The following PCSK6 variants were observed in gnomAD, a reference collection of about 807,000 sequenced individuals.
The protein encoded by PCSK6 is paired basic amino acid cleaving enzyme 4.
In PCSK6, 85 loss-of-function variants were observed where a neutral mutation model predicts 123.3. That is an observed-to-expected ratio of 0.69 (90% CI 0.58 to 0.83). The LOEUF is 0.83. Ranked by LOEUF, PCSK6 falls within the 40% of genes least tolerant of loss-of-function variation. The probability of loss-of-function intolerance (pLI) is 0.00; values close to 1 mark genes in which losing one functional copy is unlikely to be tolerated. For missense variants in PCSK6, 1,191 were observed against 1,282.3 expected, an observed-to-expected ratio of 0.93 and a Z score of 1.09; for synonymous variants, 508 against 516.0, an observed-to-expected ratio of 0.98 and a Z score of 0.21.
At position 101,432,020 on chromosome 15, in the gene PCSK6, G is replaced by A. The variant is rs117473739; in HGVS notation, c.483C>T (p.Asn161=). The A allele has an allele frequency of 2.8e-4, 459 of 1,613,478 alleles. 2 individuals are homozygous for A. The East Asian group carries it at 9.4e-3, about 33-fold the overall frequency. ...ACCACATGTTGGACCAAATGGGGTC[G>A]TTGAAGTAAAGGGCCTGCGGGTCAC... ...VRSDPQALYF[N]DPIWSNMWYL... The change falls in exon 3 of 22, where the codon AAC becomes AAT. Residue 161 remains asparagine, a synonymous_variant. Transcript: ENST00000611716.
intron 21 of PCSK6, among the ~76,000 whole-genome samples, chr15:101,306,620 T>A (rs1170727813): frequency 6.6e-6 from 1 of 152,204 alleles, no homozygotes; most frequent in East Asian, 1.9e-4. Context: ...CCAACCCTCC[T>A]TGGTGCCTGG....
intron 5 of PCSK6, among the ~76,000 whole-genome samples, chr15:101,429,278 C>T (rs1337453847): frequency 4.6e-5 from 7 of 152,166 alleles, no homozygotes; most frequent in Non-Finnish European, 8.8e-5. Flanking sequence ...GACCCCAGGG[C>T]TGCCGTTTAC....
chr15:101,478,568 T>G (rs1004029238), intron 1 of PCSK6, among the ~76,000 whole-genome samples: 1 of 152,182 alleles, frequency 6.6e-6, no homozygotes, highest in Non-Finnish European at 1.5e-5. Context: ...TCCTTTCCTC[T>G]TGTTCTTCTG....
chr15:101,426,765 TCGG>T (rs2056269789), intron 6 of PCSK6, among the ~76,000 whole-genome samples: 2 of 106,134 alleles, frequency 1.9e-5, no homozygotes, highest in Non-Finnish European at 4.5e-5. Flanking sequence ...TCACCAAGGC[TCGG>T]TGGCAGAACG....
rs1029819091 is a variant in PCSK6 at position 101,439,501 on chromosome 15, G to A, written c.402+4055C>T. Among the ~76,000 whole-genome samples, 8 of 152,304 alleles carry A rather than the reference G, an allele frequency of 5.3e-5. No homozygotes were observed. In the South Asian group the frequency reaches 6.2e-4, roughly 12 times the overall value. On this transcript the variant is annotated intron_variant, in intron 2 of 21. Transcript: ENST00000611716. The stretch of plus-strand genomic sequence containing the variant: ...TGGGGGAGCAGTCCACCGTCCCCAC[G>A]TGGGCAAATCCTCTGGGCCCTGGGC...
At chr15:101,472,518 G>A (rs1404245360) in intron 1 of PCSK6, among the ~76,000 whole-genome samples, 2 of 152,250 alleles carry the variant, frequency 1.3e-5, no homozygotes, top group African/African-American at 4.8e-5. Context: ...TGGGGAGAAT[G>A]ACAGTGGCAA....
chr15:101,462,158 A>C, intron 1 of PCSK6, among the ~76,000 whole-genome samples: 1 of 152,234 alleles, frequency 6.6e-6, no homozygotes, highest in African/African-American at 2.4e-5. Flanking sequence ...GCTAGATGTG[A>C]GACCAATCTA....
intron 13 of PCSK6, among the ~76,000 whole-genome samples, chr15:101,355,229 C>T (rs148771039): frequency 1.3e-5 from 2 of 152,326 alleles, no homozygotes; most frequent in East Asian, 1.9e-4. Context: ...TTTTAAAGTG[C>T]CATCAATTGT....
rs1213142111 is a variant in PCSK6 at position 101,307,394 on chromosome 15, A to G, written c.2700-69T>C. 1.1e-5 allele frequency: 12 copies of G among 1,114,930 alleles called. No homozygotes were observed. The East Asian group carries it at 2.6e-4, about 24-fold the overall frequency. The allele number at this position is 1,114,930 out of a possible 1,614,324, so 69.1% of individuals were successfully genotyped here. ...CCACCACTCCGGGCTCCCTTCCCAG[A>G]ACCCTCACCTCCCTGCACCTCCTTC... is the stretch of plus-strand genomic sequence containing the variant. On this transcript the variant is annotated intron_variant, in intron 20 of 21. Coordinates refer to ENST00000611716, the MANE Select transcript of PCSK6 (RefSeq NM_002570.5).
chr15:101,390,367 T>G (rs2042195682), intron 8 of PCSK6, among the ~76,000 whole-genome samples: 1 of 41,366 alleles, frequency 2.4e-5, no homozygotes, highest in Admixed American at 2.4e-4. Context: ...CCATCATCTT[T>G]GTCCCCTGGT....
chr15:101,381,171 G>C (rs2041901333), intron 11 of PCSK6, among the ~76,000 whole-genome samples: 1 of 152,012 alleles, frequency 6.6e-6, no homozygotes, highest in African/African-American at 2.4e-5. Context: ...AGACCAGCCT[G>C]GCCAAGATGG....
chr15:101,381,056 T>C (rs2041898120), intron 11 of PCSK6, among the ~76,000 whole-genome samples: 1 of 148,124 alleles, frequency 6.8e-6, no homozygotes, highest in South Asian at 2.1e-4. Context: ...TATGGCTGCT[T>C]TTTTTTTTTT....
chr15:101,347,724 T>C (rs1257582426), intron 13 of PCSK6: 1 of 1,613,812 alleles, frequency 6.2e-7, no homozygotes, highest in Non-Finnish European at 8.5e-7. Context: ...TCACAGAGAT[T>C]ACCAAAGCTC....
chr15:101,459,449 C>CCCA (rs1567236649), intron 1 of PCSK6, among the ~76,000 whole-genome samples: 25,116 of 129,084 alleles, frequency 0.19, 8,311 homozygotes, highest in Non-Finnish European at 0.28. Context: ...GTCCACATCA[C>CCCA]CTGCTGCCAC....
chr15:101,366,839 A>C (rs1294595552), intron 12 of PCSK6, among the ~76,000 whole-genome samples: 1 of 152,214 alleles, frequency 6.6e-6, no homozygotes, highest in Non-Finnish European at 1.5e-5. Flanking sequence ...TGCAAGAATG[A>C]AACTTCCATG....
intron 1 of PCSK6, among the ~76,000 whole-genome samples, chr15:101,467,812 G>A (rs1273541417): frequency 1.3e-5 from 2 of 152,158 alleles, no homozygotes; most frequent in Admixed American, 1.3e-4. Context: ...CAAAACCAAA[G>A]CTAAGCAACA....
chr15:101,421,239 C>T (rs1254794244), intron 6 of PCSK6, among the ~76,000 whole-genome samples: 1 of 152,216 alleles, frequency 6.6e-6, no homozygotes, highest in Non-Finnish European at 1.5e-5. Flanking sequence ...AGCCACCACG[C>T]CTGGCTATTT....
chr15:101,462,797 C>T (rs994107947), intron 1 of PCSK6, among the ~76,000 whole-genome samples: 1 of 152,200 alleles, frequency 6.6e-6, no homozygotes, highest in Admixed American at 6.5e-5. Context: ...AAAACTAAAA[C>T]TTGTAGGAGG....
chr15:101,316,968 G>A (rs1031679281), intron 19 of PCSK6, among the ~76,000 whole-genome samples: 1 of 143,036 alleles, frequency 7.0e-6, no homozygotes, highest in Non-Finnish European at 1.5e-5. Context: ...GAAGTATGTA[G>A]GGGTGTGATC....
Sources: gnomAD v4.1 joint callset for allele counts (sites outside exome capture counted in the v4.1 genomes callset) on GRCh38, gnomAD v4.1.1 for gene constraint, MANE v1.5 for transcripts, NCBI Gene and HGNC (gene_info 2026-07-23, HGNC 2026-07-21) for gene names.